RANBP2: variants seen among roughly 807,000 people sequenced by gnomAD.
RANBP2 encodes RAN binding protein 2.
Under a neutral mutation model 303.6 loss-of-function variants are expected in RANBP2, and 57 were observed. The ratio of observed to expected loss-of-function variants is 0.19; its 90% CI spans 0.15 to 0.23. The LOEUF is 0.23. Among genes scored for constraint, RANBP2 ranks in the 10% least tolerant of loss-of-function variants. RANBP2 has a pLI of 1.00. For synonymous variants in RANBP2, 1,167 were observed against 1,301.5 expected (o/e 0.90, Z 2.23); for missense variants, 3,138 against 3,780.8 (o/e 0.83, Z 4.46).
chr2:109,568,036 T>A, the RANBP2 span: 35 of 1,322,828 alleles, frequency 2.6e-5, no homozygotes, highest in African/African-American at 4.9e-4. Context: ...ATCCTGCAGC[T>A]GTTTTTTCAC....
the RANBP2 span, among the ~76,000 whole-genome samples, chr2:109,047,403 C>T: frequency 1.3e-5 from 2 of 152,222 alleles, no homozygotes; most frequent in Non-Finnish European, 2.9e-5. Flanking sequence ...GCACTCTGCA[C>T]TCAGTTCCCA....
At chr2:109,239,976 G>T in the RANBP2 span, among the ~76,000 whole-genome samples, 12 of 152,222 alleles carry the variant, frequency 7.9e-5, no homozygotes, top group African/African-American at 2.9e-4. Flanking sequence ...TTGCAGCTGG[G>T]TATCCTCTGT....
At position 108,736,131 on chromosome 2, in the gene RANBP2, G is replaced by A; in HGVS notation, c.664G>A (p.Glu222Lys). 1 of 1,611,896 alleles carries A rather than the reference G, an allele frequency of 6.2e-7. No individual in the cohort carries two copies. Among genetic ancestry groups the A allele is most frequent in the Non-Finnish European group, 8.5e-7 (1 of 1,179,812 alleles). The change falls in exon 6 of 29, where the codon GAG (glutamate) becomes AAG (lysine). Residue 222 changes from glutamate (E) to lysine (K), a missense_variant. Physicochemically the swap from Glu to Lys is moderately conservative, Grantham distance 56 (BLOSUM62 1). Coordinates refer to ENST00000283195, the MANE Select transcript of RANBP2 (RefSeq NM_006267.5). ...KEYLESLQCL[E>K]SDKSDWRATN... ...ATATCTGGAGTCTTTACAGTGTTTG[G>A]AGTCTGATAAAAGTGACTGGCGAGC...
the RANBP2 span, among the ~76,000 whole-genome samples, chr2:109,238,024 G>C: frequency 6.6e-6 from 1 of 151,994 alleles, no homozygotes; most frequent in Non-Finnish European, 1.5e-5. Flanking sequence ...TGGGAAACAT[G>C]ATGAGGCCCC....
At chr2:109,130,207 C>A in the RANBP2 span, 3 of 1,158,590 alleles carry the variant, frequency 2.6e-6, no homozygotes, top group Non-Finnish European at 3.3e-6. Flanking sequence ...GCGGAGGAGA[C>A]CACGGGTGGT....
the RANBP2 span, among the ~76,000 whole-genome samples, chr2:109,251,263 A>G: frequency 6.6e-6 from 1 of 152,134 alleles, no homozygotes; most frequent in African/African-American, 2.4e-5. Flanking sequence ...TCAGCCTCCC[A>G]AAGTGCTGGG....
At chr2:109,059,926 G>C in the RANBP2 span, among the ~76,000 whole-genome samples, 9 of 152,158 alleles carry the variant, frequency 5.9e-5, no homozygotes, top group African/African-American at 2.2e-4. Context: ...TGTGGTTGTC[G>C]TATCCTAACC....
the RANBP2 span, among the ~76,000 whole-genome samples, chr2:109,315,759 T>G: frequency 6.6e-6 from 1 of 152,198 alleles, no homozygotes; most frequent in Non-Finnish European, 1.5e-5. Flanking sequence ...TTGTGACATT[T>G]AGAGTATTCA....
the RANBP2 span, among the ~76,000 whole-genome samples, chr2:109,343,208 C>T: frequency 6.6e-6 from 1 of 152,098 alleles, no homozygotes; most frequent in Non-Finnish European, 1.5e-5. Context: ...GCCTTAGGCC[C>T]CTTCCATGGA....
chr2:109,078,104 A>ATATGGCG, the RANBP2 span, among the ~76,000 whole-genome samples: 1 of 88,390 alleles, frequency 1.1e-5, no homozygotes, highest in African/African-American at 3.6e-5. Flanking sequence ...ATATATATAT[A>ATATGGCG]TATATATATA....
the RANBP2 span, among the ~76,000 whole-genome samples, chr2:109,298,510 G>A: frequency 6.6e-6 from 1 of 152,078 alleles, no homozygotes; most frequent in Non-Finnish European, 1.5e-5. Flanking sequence ...AGGTCACTTT[G>A]CTCCAGGTGG....
the RANBP2 span, among the ~76,000 whole-genome samples, chr2:109,126,417 G>A: frequency 1.3e-3 from 200 of 152,302 alleles, 1 homozygote; most frequent in African/African-American, 1.9e-3. Flanking sequence ...TGCCCAGCAC[G>A]GCAATTCTTC....
At chr2:109,064,469 AAAC>A in the RANBP2 span, among the ~76,000 whole-genome samples, 2 of 148,908 alleles carry the variant, frequency 1.3e-5, no homozygotes, top group Admixed American at 6.7e-5. Context: ...AAAAAAAAAA[AAAC>A]AAAAACAAAC....
chr2:109,166,459 G>GAAAAAAA, the RANBP2 span, among the ~76,000 whole-genome samples: 29 of 134,032 alleles, frequency 2.2e-4, no homozygotes, highest in Admixed American at 3.0e-4. Context: ...CCTGGTGACA[G>GAAAAAAA]AAAAAAAAAA....
At chr2:108,968,122 C>G in the RANBP2 span, among the ~76,000 whole-genome samples, 1 of 152,152 alleles carries the variant, frequency 6.6e-6, no homozygotes, top group African/African-American at 2.4e-5. Context: ...CTGATTTTCA[C>G]AGCCACCACC....
the RANBP2 span, among the ~76,000 whole-genome samples, chr2:109,550,456 G>T: frequency 6.6e-6 from 1 of 151,732 alleles, no homozygotes; most frequent in Non-Finnish European, 1.5e-5. Context: ...GGAATTATAG[G>T]CATGTTGCCA....
the RANBP2 span, among the ~76,000 whole-genome samples, chr2:108,856,258 T>G: frequency 6.6e-6 from 1 of 151,684 alleles, no homozygotes; most frequent in South Asian, 2.1e-4. Flanking sequence ...ATGGCAGATG[T>G]ATCATGAAAA....
At chr2:109,603,977 C>T in the RANBP2 span, among the ~76,000 whole-genome samples, 8 of 150,386 alleles carry the variant, frequency 5.3e-5, no homozygotes, top group East Asian at 2.0e-4. Context: ...CTGGCTAACA[C>T]GGTGAAACCC....
At chr2:109,407,816 C>G in the RANBP2 span, among the ~76,000 whole-genome samples, 1 of 152,226 alleles carries the variant, frequency 6.6e-6, no homozygotes, top group Admixed American at 6.5e-5. Context: ...AATAGCTGTA[C>G]CTCCATGACT....
Sources: gnomAD v4.1 joint callset for allele counts (sites outside exome capture counted in the v4.1 genomes callset) on GRCh38, gnomAD v4.1.1 for gene constraint, MANE v1.5 for transcripts, NCBI Gene and HGNC (gene_info 2026-07-23, HGNC 2026-07-21) for gene names.